Variants in RAB19 observed in about 807,000 individuals in gnomAD.
RAB19 encodes the protein ras-related protein Rab-19.
In RAB19, 21 loss-of-function variants were observed where a neutral mutation model predicts 17.3. The observed-to-expected ratio is 1.21, with a 90% CI of 0.86 to 1.74. RAB19 has a LOEUF of 1.74. Ranked by LOEUF, RAB19 falls within the 40% of genes most tolerant of loss-of-function variation. The probability of loss-of-function intolerance (pLI) is 0.00; values close to 1 mark genes in which losing one functional copy is unlikely to be tolerated. For synonymous variants in RAB19, 126 were observed against 110.4 expected (o/e 1.14, Z -0.88); for missense variants, 277 against 286.8 (o/e 0.97, Z 0.25).
chr7:140,405,310 C>T (rs182566863), intron 1 of RAB19, among the ~76,000 whole-genome samples: 1 of 152,080 alleles, frequency 6.6e-6, no homozygotes, highest in East Asian at 1.9e-4. Context: ...AACCTCTGCC[C>T]TCTGGGTTCA....
chr7:140,409,797 T>C (rs534561756), intron 2 of RAB19, among the ~76,000 whole-genome samples: 396 of 151,672 alleles, frequency 2.6e-3, no homozygotes, highest in African/African-American at 9.3e-3. Flanking sequence ...ATTGAGACCA[T>C]CCTGGCTAAC....
intron 1 of RAB19, among the ~76,000 whole-genome samples, chr7:140,406,392 C>G (rs1799242158): frequency 6.6e-6 from 1 of 151,932 alleles, no homozygotes; most frequent in Admixed American, 6.6e-5. Flanking sequence ...GTAATCCCAG[C>G]ACTTTGGGAG....
chr7:140,407,350 GAT>G (rs1289173934), intron 1 of RAB19, among the ~76,000 whole-genome samples: 2 of 152,104 alleles, frequency 1.3e-5, no homozygotes, highest in South Asian at 2.1e-4. Flanking sequence ...CCAGGCCTAG[GAT>G]ATATCACTGC....
At chr7:140,425,763 C>T (rs994969223) in intron 3 of RAB19, 119 bp from the exon 4 acceptor site, 5 of 1,084,024 alleles carry the variant, frequency 4.6e-6, no homozygotes, top group Non-Finnish European at 6.7e-6. Flanking sequence ...CCTCAATGAC[C>T]ATTTGTGAAT....
intron 2 of RAB19, 91 bp downstream of exon 2, chr7:140,407,938 C>G: frequency 1.0e-6 from 1 of 999,786 alleles, no homozygotes; most frequent in South Asian, 1.7e-5. Context: ...GATCTCGGCT[C>G]ACTGCAAGCT....
chr7:140,411,425 C>T (rs375472061), intron 2 of RAB19, among the ~76,000 whole-genome samples: 2 of 152,164 alleles, frequency 1.3e-5, no homozygotes, highest in East Asian at 1.9e-4. Flanking sequence ...ATCTCTCTGA[C>T]AGCAGCATCC....
chr7:140,420,671 G>A (rs1799544773), intron 3 of RAB19, among the ~76,000 whole-genome samples: 1 of 152,084 alleles, frequency 6.6e-6, no homozygotes, highest in Non-Finnish European at 1.5e-5. Context: ...GTGCCCTCAT[G>A]GTATGGGGGA....
chr7:140,407,997 C>T, intron 2 of RAB19, 150 bp downstream of exon 2: 1 of 691,454 alleles, frequency 1.4e-6, no homozygotes, highest in Non-Finnish European at 2.3e-6. Context: ...CCAGCCTCAG[C>T]CTCCCAAGTA....
In RAB19 at chr7:140,426,839, CTTT is replaced by C. The variant is rs398067341; in HGVS notation, c.*707_*709del. Among the ~76,000 whole-genome samples the C allele has an allele frequency of 5.6e-5, 7 of 124,010 alleles. No individual in the cohort carries two copies. The highest frequency in any genetic ancestry group is 8.2e-5 in the Admixed American group (1 of 12,190). 81.4% of individuals were successfully genotyped at this position (124,010 alleles called of 152,430 possible). On this transcript the variant is annotated 3_prime_UTR_variant, in exon 4 of 4. Coordinates refer to ENST00000537763, the MANE Select transcript of RAB19 (RefSeq NM_001008749.3). ...AAGACACCTGCAATTTTTTTTCTTT[CTTT>C]TTTTTTTTTTTTTTTTTGAGACAGG...
Position 140,426,344 on chromosome 7 carries a change from G to GA in RAB19, c.*198dup. The GA allele has an allele frequency of 1.7e-6, 1 of 604,188 alleles. No homozygotes were observed. The highest frequency in any genetic ancestry group is 3.2e-5 in the Admixed American group (1 of 31,060). 37.4% of individuals were successfully genotyped at this position (604,188 alleles called of 1,614,324 possible). A position where few individuals can be genotyped will look rare whatever the true frequency, so the allele number is the denominator to read the frequency against. ...ACAGGTCATAGCTGCTGACTCTCAG[G>GA]AAAACCAGCACCATTGTTTTCACTG... On this transcript the variant is annotated 3_prime_UTR_variant, in exon 4 of 4. Coordinates refer to ENST00000537763, the MANE Select transcript of RAB19 (RefSeq NM_001008749.3).
chr7:140,404,887 G>A lies in RAB19; in HGVS notation c.-24+670G>A, dbSNP rs181480414. Among the ~76,000 whole-genome samples, 183 of 152,314 alleles carry A rather than the reference G, an allele frequency of 1.2e-3. 1 individual carries two copies. The highest frequency in any genetic ancestry group is 3.4e-3 in the Middle Eastern group (1 of 294). On this transcript the variant is annotated intron_variant, in intron 1 of 3. Transcript: ENST00000537763. ...GGGCTGTCATGTGGAACAGGAATGT[G>A]ATGTGTCTTGGCAGAGTAAGGATAG...
chr7:140,417,757 C>T (rs924250231), intron 3 of RAB19, among the ~76,000 whole-genome samples: 15 of 152,180 alleles, frequency 9.9e-5, no homozygotes, highest in East Asian at 3.8e-4. Flanking sequence ...CCCCTCTGGA[C>T]GCTGTAGGGG....
chr7:140,417,854 C>T (rs1044614455), intron 3 of RAB19, among the ~76,000 whole-genome samples: 1 of 152,182 alleles, frequency 6.6e-6, no homozygotes, highest in Admixed American at 6.6e-5. Flanking sequence ...ATCAAGTCTC[C>T]CTCTACCTCC....
chr7:140,422,634 CA>C (rs35506552), intron 3 of RAB19, among the ~76,000 whole-genome samples: 27,989 of 151,848 alleles, frequency 0.18, 3,246 homozygotes, highest in South Asian at 0.3. Flanking sequence ...GCCTGGGCAA[CA>C]AAGTGAGACC....
intron 1 of RAB19, among the ~76,000 whole-genome samples, chr7:140,405,286 T>C (rs1054189062): frequency 6.6e-6 from 1 of 152,152 alleles, no homozygotes; most frequent in African/African-American, 2.4e-5. Flanking sequence ...AATGGTGCGA[T>C]CTCGGCTCAC....
intron 1 of RAB19, 105 bp from the exon 2 acceptor site, chr7:140,407,519 C>A (rs114223783): frequency 1.4e-6 from 1 of 739,274 alleles, no homozygotes. Context: ...TCATTAGCAT[C>A]GTCCTCTCAC....
At chr7:140,420,929 G>C (rs143123799) in intron 3 of RAB19, among the ~76,000 whole-genome samples, 6,209 of 151,934 alleles carry the variant, frequency 0.041, 194 homozygotes, top group Non-Finnish European at 0.068. Context: ...GTCTTGCTCT[G>C]TCGCCCAGGT....
chr7:140,425,079 A>G (rs1373488764), intron 3 of RAB19, among the ~76,000 whole-genome samples: 1 of 152,086 alleles, frequency 6.6e-6, no homozygotes, highest in East Asian at 1.9e-4. Context: ...GGAGGCCAGG[A>G]GTTCAAGACC....
chr7:140,405,556 G>GA (rs56768677), intron 1 of RAB19, among the ~76,000 whole-genome samples: 2 of 150,918 alleles, frequency 1.3e-5, no homozygotes, highest in African/African-American at 4.9e-5. Context: ...TGGGCGGGGA[G>GA]GGGGGGCGCA....
Sources: gnomAD v4.1 joint callset for allele counts (sites outside exome capture counted in the v4.1 genomes callset) on GRCh38, gnomAD v4.1.1 for gene constraint, MANE v1.5 for transcripts, NCBI Gene and HGNC (gene_info 2026-07-23, HGNC 2026-07-21) for gene names.